Variants in FGF2 observed in about 807,000 individuals in gnomAD.
FGF2 encodes the protein basic fibroblast growth factor bFGF.
Under a neutral mutation model 15.9 loss-of-function variants are expected in FGF2, and 13 were observed. The ratio of observed to expected loss-of-function variants is 0.82; its 90% CI spans 0.53 to 1.30. FGF2 has a LOEUF of 1.30. Among genes scored for constraint, FGF2 ranks in the 50% most tolerant of loss-of-function variants. The probability of loss-of-function intolerance (pLI) is 0.00; values close to 1 mark genes in which losing one functional copy is unlikely to be tolerated. For missense variants in FGF2, 163 were observed against 196.9 expected, an observed-to-expected ratio of 0.83 and a Z score of 1.03; for synonymous variants, 90 against 78.4, an observed-to-expected ratio of 1.15 and a Z score of -0.78.
chr4:122,843,578 A>G (rs1004126045), intron 1 of FGF2, among the ~76,000 whole-genome samples: 15 of 152,300 alleles, frequency 9.8e-5, no homozygotes, highest in African/African-American at 3.1e-4. Flanking sequence ...CAGTTATCCA[A>G]TTGAGAAATG....
chr4:122,829,820 A>G (rs914730234), intron 1 of FGF2, among the ~76,000 whole-genome samples: 4 of 152,230 alleles, frequency 2.6e-5, no homozygotes, highest in Admixed American at 6.5e-5. Flanking sequence ...ATCTATTTCT[A>G]TGTAGCCCAA....
intron 1 of FGF2, among the ~76,000 whole-genome samples, chr4:122,836,596 A>G (rs1029398465): frequency 1.2e-4 from 18 of 152,096 alleles, no homozygotes; most frequent in African/African-American, 3.9e-4. Flanking sequence ...ACTCTTTCCT[A>G]TTCTGAGGGT....
intron 2 of FGF2, among the ~76,000 whole-genome samples, chr4:122,877,881 T>C (rs139925237): frequency 1.7e-3 from 255 of 152,380 alleles, no homozygotes; most frequent in Non-Finnish European, 3.0e-3. Context: ...TCAGACTGAC[T>C]GTATGACAAA....
chr4:122,891,029 TTTTTTTGTTTTG>T (rs1727166612), intron 2 of FGF2, among the ~76,000 whole-genome samples: 7 of 135,042 alleles, frequency 5.2e-5, no homozygotes, highest in South Asian at 5.9e-4. Context: ...ATCTTTTTTT[TTTTTTTGTTTTG>T]TTTTGTTTTG....
intron 1 of FGF2, among the ~76,000 whole-genome samples, chr4:122,853,109 G>T (rs78654802): frequency 6.6e-6 from 1 of 152,034 alleles, no homozygotes; most frequent in South Asian, 2.1e-4. Flanking sequence ...ACCAGCCTGG[G>T]CAACATGGCA....
chr4:122,852,773 C>T (rs1269730083), intron 1 of FGF2, among the ~76,000 whole-genome samples: 1 of 152,148 alleles, frequency 6.6e-6, no homozygotes, highest in African/African-American at 2.4e-5. Flanking sequence ...GCATTTCATC[C>T]TTTGCCTTCC....
At chr4:122,864,962 A>G (rs923365364) in intron 1 of FGF2, among the ~76,000 whole-genome samples, 1 of 152,220 alleles carries the variant, frequency 6.6e-6, no homozygotes, top group Non-Finnish European at 1.5e-5. Context: ...AAATATCACA[A>G]TGCATGTGGA....
rs1273966598 is a variant in FGF2, at chr4:122,827,949, T to C, written c.178+597T>C. 6.6e-6 allele frequency among the ~76,000 whole-genome samples: 1 copy of C among 152,228 alleles called. No homozygotes were observed. Among genetic ancestry groups the C allele is most frequent in the African/African-American group, 2.4e-5 (1 of 41,458 alleles). On this transcript the variant is annotated intron_variant, in intron 1 of 2. Transcript: ENST00000644866. The surrounding 1 kb of genome is among the most constrained non-coding windows in gnomAD (Gnocchi z 4.2). ...AAAAATCCAGATGTTGTTAATAAAG[T>C]GCCATAGCTTTGTTTCAGTAGTGAA...
At chr4:122,838,320 A>C (rs1325457382) in intron 1 of FGF2, among the ~76,000 whole-genome samples, 1 of 152,206 alleles carries the variant, frequency 6.6e-6, no homozygotes, top group African/African-American at 2.4e-5. Flanking sequence ...TTACCACTGC[A>C]CTATGTTCCT....
At chr4:122,849,566 G>A (rs1237504241) in intron 1 of FGF2, among the ~76,000 whole-genome samples, 3 of 151,842 alleles carry the variant, frequency 2.0e-5, no homozygotes, top group African/African-American at 2.4e-5. Context: ...AAACCTGCAC[G>A]TTCTGCACAT....
At chr4:122,841,761 A>G (rs911166837) in intron 1 of FGF2, among the ~76,000 whole-genome samples, 1 of 152,224 alleles carries the variant, frequency 6.6e-6, no homozygotes, top group Non-Finnish European at 1.5e-5. Flanking sequence ...CAGCAAAGTA[A>G]CTAATTCCTG....
intron 1 of FGF2, among the ~76,000 whole-genome samples, chr4:122,845,567 C>T (rs1726093004): frequency 2.6e-5 from 4 of 152,224 alleles, no homozygotes; most frequent in Admixed American, 2.6e-4. Flanking sequence ...ATAACTTGCG[C>T]TAGCTTCTAC....
chr4:122,877,434 T>A (rs1488917837), intron 2 of FGF2, among the ~76,000 whole-genome samples: 5 of 152,190 alleles, frequency 3.3e-5, no homozygotes, highest in African/African-American at 1.2e-4. Flanking sequence ...CTTTTCTTTT[T>A]TACATGTTAT....
chr4:122,874,064 T>C (rs529840513), intron 1 of FGF2, among the ~76,000 whole-genome samples: 1 of 152,228 alleles, frequency 6.6e-6, no homozygotes, highest in Non-Finnish European at 1.5e-5. Context: ...AGAGCTGGGC[T>C]AGCGTTGATT....
chr4:122,865,099 T>G (rs1726545338), intron 1 of FGF2, among the ~76,000 whole-genome samples: 1 of 152,234 alleles, frequency 6.6e-6, no homozygotes. Context: ...GCTATTACTT[T>G]GGGTTTAATT....
At chr4:122,830,361 G>A (rs1725738060) in intron 1 of FGF2, among the ~76,000 whole-genome samples, 1 of 152,098 alleles carries the variant, frequency 6.6e-6, no homozygotes. Flanking sequence ...TCTAAAAGAA[G>A]AGGTAGGAGA....
intron 2 of FGF2, among the ~76,000 whole-genome samples, chr4:122,879,177 A>G (rs574013465): frequency 6.6e-6 from 1 of 152,336 alleles, no homozygotes; most frequent in Admixed American, 6.5e-5. Flanking sequence ...TATTCTGCCA[A>G]TCTATTGTCA....
At chr4:122,887,055 T>G (rs1464677174) in intron 2 of FGF2, among the ~76,000 whole-genome samples, 2 of 152,082 alleles carry the variant, frequency 1.3e-5, no homozygotes, top group Non-Finnish European at 2.9e-5. Flanking sequence ...GTGGCTCACA[T>G]CTGTAATCCC....
rs1341091721 is a variant in FGF2 at position 122,894,629 on chromosome 4, T to C, written c.*2233T>C. The C allele has an allele frequency of 4.6e-5, 7 of 152,296 alleles. No individual in the cohort carries two copies. The East Asian group carries it at 7.7e-4, about 17-fold the overall frequency. 9.4% of individuals were successfully genotyped at this position (152,296 alleles called of 1,614,324 possible). A position where few individuals can be genotyped will look rare whatever the true frequency, so the allele number is the denominator to read the frequency against. ...CCTTAATAAGAAAAGTAATTTTTAC[T>C]CTGATGTGCAATACATTTGTTATTA... On this transcript the variant is annotated 3_prime_UTR_variant, in exon 3 of 3. Coordinates refer to ENST00000644866, the MANE Select transcript of FGF2 (RefSeq NM_001361665.2).
Sources: allele counts gnomAD v4.1 joint callset (sites outside exome capture counted in the v4.1 genomes callset), GRCh38; gene constraint gnomAD v4.1.1; non-coding constraint Gnocchi (gnomAD v3.1); transcripts MANE v1.5; gene names NCBI Gene and HGNC (gene_info 2026-07-23, HGNC 2026-07-21).